LLGL2: variants seen among roughly 807,000 people sequenced by gnomAD.
LLGL2 encodes LLGL scribble cell polarity complex component 2, also known as LLGL2, scribble cell polarity complex component.
A neutral mutation model predicts 123.2 loss-of-function variants in LLGL2; 81 were observed. The ratio of observed to expected loss-of-function variants is 0.66; its 90% CI spans 0.55 to 0.79. LLGL2 has a LOEUF of 0.79. Among genes scored for constraint, LLGL2 ranks in the 30% least tolerant of loss-of-function variants. LLGL2 has a pLI of 0.00. For missense variants in LLGL2, 1,273 were observed against 1,414.6 expected, an observed-to-expected ratio of 0.90 and a Z score of 1.61; for synonymous variants, 577 against 594.1, an observed-to-expected ratio of 0.97 and a Z score of 0.42.
At position 75,559,392 on chromosome 17, in the gene LLGL2, C is replaced by T. The variant is rs138748466; in HGVS notation, c.512C>T (p.Ser171Leu). 2.5e-5 allele frequency: 41 copies of T among 1,610,312 alleles called. No individual in the cohort carries two copies. The highest frequency in any genetic ancestry group is 3.3e-4 in the Middle Eastern group (2 of 6,064). The change falls in exon 6 of 26, where the codon TCG becomes TTG. Residue 171 changes from serine to leucine, a missense_variant. Coordinates refer to ENST00000392550, the MANE Select transcript of LLGL2 (RefSeq NM_001031803.2). The surrounding 1 kb of genome is among the most constrained non-coding windows in gnomAD (Gnocchi z 4.6). ...GCGCTGGAGGACCGGACCATCAGCTCGGACGCGGTGCTGCAGCGGTGAGCC... is the reference window on the plus strand; with the variant it reads ...GCGCTGGAGGACCGGACCATCAGCTTGGACGCGGTGCTGCAGCGGTGAGCC... ...FRALEDRTIS[S>L]DAVLQRLPEE...
At chr17:75,526,364 C>A (rs141206038) in intron 1 of LLGL2, among the ~76,000 whole-genome samples, 1,970 of 152,364 alleles carry the variant, frequency 0.013, 32 homozygotes, top group African/African-American at 0.044. Context: ...CGGCCTTTCT[C>A]CAGCTGGGGC....
Position 75,575,200 on chromosome 17 carries a change from T to C in LLGL2, c.*322T>C. 2 of 512,928 alleles carry C rather than the reference T, an allele frequency of 3.9e-6. No individual in the cohort carries two copies. The highest frequency in any genetic ancestry group is 4.9e-5 in the South Asian group (2 of 40,780). 31.8% of individuals were successfully genotyped at this position (512,928 alleles called of 1,614,324 possible). On this transcript the variant is annotated 3_prime_UTR_variant, in exon 26 of 26. Transcript: ENST00000392550. ...GAAAAAGTTTTTAATAAACACCTAT[T>C]ACCTCTTGACTGGTCCACTACTTTA...
rs543687189 is a variant in LLGL2 at position 75,565,815 on chromosome 17, G to C, written c.1036+1308G>C. On this transcript the variant is annotated intron_variant, in intron 10 of 25. Coordinates refer to ENST00000392550, the MANE Select transcript of LLGL2 (RefSeq NM_001031803.2). Reference sequence around the variant, plus strand: ...GGCACCCTGAAGCTCTCACGTAATGGTTCTGCTGTGCCGGGTTGTGACCCA... The same window carrying C: ...GGCACCCTGAAGCTCTCACGTAATGCTTCTGCTGTGCCGGGTTGTGACCCA... Among the ~76,000 whole-genome samples the C allele has an allele frequency of 3.9e-4, 59 of 152,278 alleles. 1 individual carries two copies. The highest frequency in any genetic ancestry group is 1.4e-3 in the African/African-American group (57 of 41,544).
rs1030523295 is a variant in LLGL2, at chr17:75,544,146, C to T, written c.75+645C>T. On this transcript the variant is annotated intron_variant, in intron 2 of 25. Transcript: ENST00000392550. The surrounding 1 kb of genome is among the most constrained non-coding windows in gnomAD (Gnocchi z 4.2). ...AGTCTGGGGCCTGAGAAGGTCAGGA[C>T]GGGCCTGTACGCAGGAGGCGTGCAG... 6.6e-6 allele frequency among the ~76,000 whole-genome samples: 1 copy of T among 152,158 alleles called. No homozygotes were observed. Among genetic ancestry groups the T allele is most frequent in the African/African-American group, 2.4e-5 (1 of 41,440 alleles).
intron 10 of LLGL2, among the ~76,000 whole-genome samples, chr17:75,566,529 C>T (rs2055450194): frequency 1.3e-5 from 2 of 152,200 alleles, no homozygotes; most frequent in African/African-American, 4.8e-5. Context: ...TGGCTTTCTT[C>T]CCCACAGCTA....
chr17:75,571,621 G>C (rs368384635), intron 17 of LLGL2, 46 bp from the exon 18 acceptor site: 206 of 1,447,704 alleles, frequency 1.4e-4, no homozygotes, highest in Non-Finnish European at 1.9e-4. Context: ...AGCTCCACCC[G>C]ACTCCCACGC....
intron 6 of LLGL2, among the ~76,000 whole-genome samples, chr17:75,561,025 T>C (rs1448891154): frequency 2.6e-5 from 4 of 151,912 alleles, no homozygotes; most frequent in African/African-American, 9.7e-5. Context: ...AGAGACGGGG[T>C]TTCACCATGT....
rs2055062634 is a variant in LLGL2 at position 75,558,921 on chromosome 17, ACCCCAC to A, written c.371+296_371+301del. The A allele has an allele frequency of 3.4e-6, 1 of 298,184 alleles. No individual in the cohort carries two copies. The highest frequency in any genetic ancestry group is 6.1e-6 in the Non-Finnish European group (1 of 164,080). The allele number at this position is 298,184 out of a possible 1,614,324, so 18.5% of individuals were successfully genotyped here. On this transcript the variant is annotated intron_variant, in intron 5 of 25. Coordinates refer to ENST00000392550, the MANE Select transcript of LLGL2 (RefSeq NM_001031803.2). This position sits in a 1 kb window ranked among gnomAD's most constrained non-coding sequence, Gnocchi z 4.0. Reference sequence around the variant, plus strand: ...TCCACACCACGCCTCCTCCATCCGCACCCCACCTCCTCCATCCGCACCCCGCCTCCT... The same window carrying A: ...TCCACACCACGCCTCCTCCATCCGCACTCCTCCATCCGCACCCCGCCTCCT...
Position 75,568,754 on chromosome 17 carries a change from C to T in LLGL2, c.1255-18C>T. On this transcript the variant is annotated intron_variant, in intron 11 of 25. Coordinates refer to ENST00000392550, the MANE Select transcript of LLGL2 (RefSeq NM_001031803.2). ...GCAAGCCAAACTCTCCCATGGACTT[C>T]TTGGTCTCTTTTTCTAGGAGTGGCC... 6.2e-7 allele frequency: 1 copy of T among 1,610,924 alleles called. No individual in the cohort carries two copies. Among genetic ancestry groups the T allele is most frequent in the South Asian group, 1.1e-5 (1 of 90,756 alleles).
At chr17:75,569,354 T>C in intron 14 of LLGL2, 29 bp downstream of exon 14, 1 of 1,559,996 alleles carries the variant, frequency 6.4e-7, no homozygotes. Context: ...GAGGGGGAGC[T>C]GGGGAGGAGT....
At chr17:75,538,321 A>G (rs2054082507) in intron 1 of LLGL2, among the ~76,000 whole-genome samples, 1 of 152,118 alleles carries the variant, frequency 6.6e-6, no homozygotes, top group Non-Finnish European at 1.5e-5. Context: ...CCACTTTGTC[A>G]TCTCTCTCAT....
At chr17:75,540,241 A>G (rs1239502178) in intron 1 of LLGL2, among the ~76,000 whole-genome samples, 1 of 152,136 alleles carries the variant, frequency 6.6e-6, no homozygotes, top group Non-Finnish European at 1.5e-5. Flanking sequence ...GGCTTCCTGA[A>G]GTTTCTCTGC....
intron 2 of LLGL2, among the ~76,000 whole-genome samples, chr17:75,553,228 G>C (rs942682297): frequency 6.6e-6 from 1 of 152,272 alleles, no homozygotes; most frequent in South Asian, 2.1e-4. Flanking sequence ...GGGGGCCGCT[G>C]CTGGGCCCTA....
intron 1 of LLGL2, among the ~76,000 whole-genome samples, chr17:75,528,709 G>A (rs1266063399): frequency 6.6e-6 from 1 of 151,558 alleles, no homozygotes. Context: ...TTGCACTCCA[G>A]CCTGAGCAAC....
chr17:75,565,149 A>G (rs2055391739), intron 10 of LLGL2, among the ~76,000 whole-genome samples: 1 of 152,194 alleles, frequency 6.6e-6, no homozygotes, highest in Non-Finnish European at 1.5e-5. Flanking sequence ...TGGCTTAGAG[A>G]TGGCAAAGCC....
chr17:75,542,462 T>C (rs1242085509), intron 1 of LLGL2, among the ~76,000 whole-genome samples: 1 of 152,134 alleles, frequency 6.6e-6, no homozygotes, highest in East Asian at 1.9e-4. Flanking sequence ...CTTGCTGTCC[T>C]GTGGTCAGCA....
In LLGL2 at chr17:75,573,647, A is replaced by G; in HGVS notation, c.2876+16A>G. On this transcript the variant is annotated intron_variant, in intron 21 of 25. Transcript: ENST00000392550. ...GCCGAGCCAGGTGAGTGAAAGGGCC[A>G]GAGGCCTCTCCCGCCCCTCCCGCCC... The G allele has an allele frequency of 6.3e-7, 1 of 1,589,720 alleles. No homozygotes were observed. The highest frequency in any genetic ancestry group is 2.3e-5 in the East Asian group (1 of 44,298).
At position 75,569,136 on chromosome 17, in the gene LLGL2, G is replaced by A. The variant is rs1234842022; in HGVS notation, c.1476+5G>A. ...GAGTGGCCCCCACTCCGCAAGGTGA[G>A]GCCAGGAGCCTGGGACCCAGGAAGG... On this transcript the variant is annotated splice_donor_5th_base_variant and intron_variant, in intron 13 of 25. Coordinates refer to ENST00000392550, the MANE Select transcript of LLGL2 (RefSeq NM_001031803.2). 1 of 1,613,384 alleles carries A rather than the reference G, an allele frequency of 6.2e-7. No homozygotes were observed. The highest frequency in any genetic ancestry group is 1.7e-5 in the Admixed American group (1 of 59,992).
intron 1 of LLGL2, among the ~76,000 whole-genome samples, chr17:75,536,395 T>C (rs764401069): frequency 2.0e-4 from 31 of 152,188 alleles, no homozygotes; most frequent in Admixed American, 2.0e-4. Context: ...CTCGGGACGA[T>C]GGAATAGAAA....
Sources: allele counts gnomAD v4.1 joint callset (sites outside exome capture counted in the v4.1 genomes callset), GRCh38; gene constraint gnomAD v4.1.1; non-coding constraint Gnocchi (gnomAD v3.1); transcripts MANE v1.5; gene names NCBI Gene and HGNC (gene_info 2026-07-23, HGNC 2026-07-21).